Variants in MPPED2 observed in about 807,000 individuals in gnomAD.
MPPED2 encodes the protein metallophosphoesterase MPPED2.
MPPED2 carries 5 observed loss-of-function variants against 33.0 expected under a neutral mutation model. The observed-to-expected ratio is 0.15, with a 90% CI of 0.08 to 0.32. The LOEUF (loss-of-function observed/expected upper bound fraction) is 0.32. MPPED2 is among the 10% of genes least tolerant of loss of function. The probability of loss-of-function intolerance (pLI) is 1.00; values close to 1 mark genes in which losing one functional copy is unlikely to be tolerated. For synonymous variants in MPPED2, 136 were observed against 141.9 expected (o/e 0.96, Z 0.29); for missense variants, 275 against 372.1 (o/e 0.74, Z 2.15).
chr11:30,411,477 C>G lies in MPPED2; in HGVS notation c.876G>C (p.Gln292His), dbSNP rs758564486. 1.9e-6 allele frequency: 3 copies of G among 1,613,100 alleles called. No homozygotes were observed. In the South Asian group the frequency reaches 3.3e-5, roughly 18 times the overall value. The change falls in exon 7 of 7, where the codon CAG becomes CAC. Residue 292 changes from glutamine (Q) to histidine (H), a missense_variant. Coordinates refer to ENST00000358117, the MANE Select transcript of MPPED2 (RefSeq NM_001584.3). ...PPIIFDLPNP[Q>H]GS Reference sequence around the variant, plus strand: ...TAGGGCATTTAGAGCTTCAGGAACCCTGTGGGTTTGGAAGGTCAAATATAA... The same window carrying G: ...TAGGGCATTTAGAGCTTCAGGAACCGTGTGGGTTTGGAAGGTCAAATATAA...
intron 2 of MPPED2, among the ~76,000 whole-genome samples, chr11:30,566,963 TGAA>T (rs1412888551): frequency 6.6e-6 from 1 of 152,152 alleles, no homozygotes; most frequent in Non-Finnish European, 1.5e-5. Flanking sequence ...TAGTGTTTAG[TGAA>T]GAAGACTGTC....
At chr11:30,532,970 A>C (rs891343823) in intron 3 of MPPED2, among the ~76,000 whole-genome samples, 2 of 152,190 alleles carry the variant, frequency 1.3e-5, no homozygotes, top group African/African-American at 4.8e-5. Flanking sequence ...CAGAGCTTAA[A>C]CACATCTTTC....
At chr11:30,403,261 G>A (rs35370586) in intron 6 of MPPED2, among the ~76,000 whole-genome samples, 51,380 of 144,906 alleles carry the variant, frequency 0.35, 9,517 homozygotes, top group Non-Finnish European at 0.38. Flanking sequence ...AAAAAAAAAA[G>A]AAAAGAAAAC....
At chr11:30,542,341 C>T (rs1006122977) in intron 2 of MPPED2, among the ~76,000 whole-genome samples, 12 of 151,130 alleles carry the variant, frequency 7.9e-5, no homozygotes, top group Admixed American at 1.3e-4. Context: ...GAGCCAGGTT[C>T]GGTGGCTCAT....
intron 2 of MPPED2, among the ~76,000 whole-genome samples, chr11:30,539,736 G>A (rs1955001296): frequency 6.6e-6 from 1 of 151,988 alleles, no homozygotes; most frequent in African/African-American, 2.4e-5. Flanking sequence ...TCCTCCCACC[G>A]CAGCTTCCAG....
downstream of MPPED2, among the ~76,000 whole-genome samples, chr11:30,405,618 A>G (rs1319582849): frequency 6.6e-6 from 1 of 152,222 alleles, no homozygotes; most frequent in Non-Finnish European, 1.5e-5. Context: ...GTTTTGTCAG[A>G]TAGTTCAGAG....
chr11:30,393,245 C>T (rs1947801961), intron 6 of MPPED2, among the ~76,000 whole-genome samples: 1 of 151,942 alleles, frequency 6.6e-6, no homozygotes, highest in African/African-American at 2.4e-5. Flanking sequence ...AATAGACAAC[C>T]CTATCTCTGC....
At chr11:30,572,053 C>T (rs1027751781) in intron 2 of MPPED2, among the ~76,000 whole-genome samples, 2 of 152,096 alleles carry the variant, frequency 1.3e-5, no homozygotes, top group South Asian at 2.1e-4. Context: ...TATGAGTTGA[C>T]GATGACTATG....
At chr11:30,413,439 T>C (rs1224822527) in intron 6 of MPPED2, among the ~76,000 whole-genome samples, 1 of 152,196 alleles carries the variant, frequency 6.6e-6, no homozygotes, top group Non-Finnish European at 1.5e-5. Flanking sequence ...GCTTTGTGTC[T>C]GTCTCAAAGC....
At chr11:30,392,501 G>C (rs1177011247) in intron 6 of MPPED2, among the ~76,000 whole-genome samples, 2 of 152,154 alleles carry the variant, frequency 1.3e-5, no homozygotes, top group African/African-American at 2.4e-5. Context: ...AACTTAACCT[G>C]GGAGATTTAA....
In MPPED2 at chr11:30,582,216, T is replaced by C. The variant is rs184085673; in HGVS notation, c.-121-1722A>G. ...GAGACACAAAGTACCGAGACACTAC[T>C]GAAGCGCAAAACTGCATAATTGCGT... On this transcript the variant is annotated intron_variant, in intron 1 of 6. Coordinates refer to ENST00000358117, the MANE Select transcript of MPPED2 (RefSeq NM_001584.3). 6.2e-4 allele frequency among the ~76,000 whole-genome samples: 94 copies of C among 152,298 alleles called. 1 individual carries two copies. Among genetic ancestry groups the C allele is most frequent in the African/African-American group, 2.2e-3 (93 of 41,556 alleles).
chr11:30,504,680 C>G (rs964201962), intron 3 of MPPED2: 1 of 880,442 alleles, frequency 1.1e-6, no homozygotes, highest in Non-Finnish European at 1.6e-6. Flanking sequence ...CAGTCTGTCC[C>G]CCGTCAGGCT....
chr11:30,436,890 C>T (rs1949351283), intron 4 of MPPED2, among the ~76,000 whole-genome samples: 1 of 152,154 alleles, frequency 6.6e-6, no homozygotes, highest in African/African-American at 2.4e-5. Context: ...AATCAGGCAA[C>T]TTCTAGGTTC....
Position 30,411,119 on chromosome 11 carries a change from T to G in MPPED2, c.*349A>C, listed in dbSNP as rs1948085715. 4 of 993,878 alleles carry G rather than the reference T, an allele frequency of 4.0e-6. No homozygotes were observed. The highest frequency in any genetic ancestry group is 4.8e-6 in the Non-Finnish European group (4 of 835,182). The allele number at this position is 993,878 out of a possible 1,614,324, so 61.6% of individuals were successfully genotyped here. On this transcript the variant is annotated 3_prime_UTR_variant, in exon 7 of 7. Transcript: ENST00000358117. ...CTGTGTTGGTTTTTAAAACACTGCC[T>G]GTTTCTTATTTTTTTTTCTTTCAGC...
chr11:30,439,800 G>T (rs540409166), intron 4 of MPPED2, among the ~76,000 whole-genome samples: 14 of 152,244 alleles, frequency 9.2e-5, no homozygotes, highest in African/African-American at 3.4e-4. Flanking sequence ...ATAAGAGAAG[G>T]GAGTTCAGTA....
At chr11:30,459,808 C>T (rs1276747331) in intron 4 of MPPED2, among the ~76,000 whole-genome samples, 1 of 152,212 alleles carries the variant, frequency 6.6e-6, no homozygotes, top group Non-Finnish European at 1.5e-5. Flanking sequence ...CTTTGGAAAT[C>T]CTGAACTGAA....
intron 2 of MPPED2, among the ~76,000 whole-genome samples, chr11:30,550,952 G>A (rs778912466): frequency 6.6e-6 from 1 of 152,142 alleles, no homozygotes; most frequent in Non-Finnish European, 1.5e-5. Context: ...CCTCTGACCT[G>A]CCTGCTATTC....
At chr11:30,549,009 T>TAAAATA (rs1955575185) in intron 2 of MPPED2, among the ~76,000 whole-genome samples, 1 of 152,210 alleles carries the variant, frequency 6.6e-6, no homozygotes, top group Non-Finnish European at 1.5e-5. Context: ...CCAGTTCAAA[T>TAAAATA]ACCCTTCAGG....
intron 6 of MPPED2, among the ~76,000 whole-genome samples, chr11:30,400,942 G>T (rs1016473104): frequency 2.6e-5 from 4 of 151,432 alleles, no homozygotes; most frequent in African/African-American, 9.7e-5. Flanking sequence ...TAATTTTTTT[G>T]ATTTTTAGTA....
Sources: gnomAD v4.1 joint callset for allele counts (sites outside exome capture counted in the v4.1 genomes callset) on GRCh38, gnomAD v4.1.1 for gene constraint, MANE v1.5 for transcripts, NCBI Gene and HGNC (gene_info 2026-07-23, HGNC 2026-07-21) for gene names.